Variants in FREM1 observed in about 807,000 individuals in gnomAD.
FREM1 encodes FRAS1 related extracellular matrix 1, also known as FRAS1-related extracellular matrix protein 1.
FREM1 carries 220 observed loss-of-function variants against 210.1 expected under a neutral mutation model. The observed-to-expected ratio is 1.05, with a 90% CI of 0.94 to 1.17. The LOEUF (loss-of-function observed/expected upper bound fraction) is 1.17, where lower values mean the gene tolerates loss of function less well. FREM1 is among the 50% of genes most tolerant of loss of function. FREM1 has a pLI of 0.00. For missense variants in FREM1, 3,454 were observed against 2,675.5 expected, an observed-to-expected ratio of 1.29 and a Z score of -6.42; for synonymous variants, 1,189 against 980.2, an observed-to-expected ratio of 1.21 and a Z score of -3.98.
intron 19 of FREM1, among the ~76,000 whole-genome samples, chr9:14,802,541 G>C (rs1169288891): frequency 6.6e-6 from 1 of 151,932 alleles, no homozygotes; most frequent in Non-Finnish European, 1.5e-5. Flanking sequence ...ACCCACTTCA[G>C]GTTTCATAAT....
intron 28 of FREM1, among the ~76,000 whole-genome samples, chr9:14,758,062 A>G (rs1214089937): frequency 6.6e-6 from 1 of 152,124 alleles, no homozygotes; most frequent in African/African-American, 2.4e-5. Flanking sequence ...GTGGTTGGAG[A>G]AATCAGTCAG....
chr9:14,796,275 T>C (rs1165930960), intron 21 of FREM1, among the ~76,000 whole-genome samples: 4 of 152,156 alleles, frequency 2.6e-5, no homozygotes, highest in Non-Finnish European at 5.9e-5. Context: ...ACCCAGACTA[T>C]CTACAACATG....
chr9:14,737,595 C>T lies in FREM1; in HGVS notation c.6341G>A (p.Gly2114Asp). 6.5e-7 allele frequency: 1 copy of T among 1,534,322 alleles called. No homozygotes were observed. ...DIGGRKSFWI[G>D]LNDQVHAGHW... ...GCCAGCATGCACTTGGTCGTTCAAACCTAATGTGAACCAAAAGAATGTACC... is the reference window on the plus strand; with the variant it reads ...GCCAGCATGCACTTGGTCGTTCAAATCTAATGTGAACCAAAAGAATGTACC... Residue 2114 changes from glycine to aspartate, a missense_variant and splice_region_variant, in exon 37 of 37, where the codon GGT becomes GAT. Physicochemically the swap from Gly to Asp is moderately conservative, Grantham distance 94. Transcript: ENST00000380880.
intron 1 of FREM1, among the ~76,000 whole-genome samples, chr9:14,883,578 A>G (rs1303539120): frequency 6.6e-6 from 1 of 152,234 alleles, no homozygotes; most frequent in Non-Finnish European, 1.5e-5. Context: ...ACAGAACAAC[A>G]GCAAAGCAAA....
At chr9:14,875,819 G>C (rs1305061549) in intron 1 of FREM1, among the ~76,000 whole-genome samples, 1 of 152,026 alleles carries the variant, frequency 6.6e-6, no homozygotes, top group African/African-American at 2.4e-5. Context: ...TCTACTTTTG[G>C]TCTTTGATGA....
chr9:14,896,194 C>T (rs1274714406), intron 1 of FREM1, among the ~76,000 whole-genome samples: 1 of 152,190 alleles, frequency 6.6e-6, no homozygotes, highest in Non-Finnish European at 1.5e-5. Flanking sequence ...CCCACCAGCA[C>T]CATGACTGTT....
rs376367108 is a variant in FREM1 at position 14,857,763 on chromosome 9, C to T, written c.632-14G>A. ...TTGCTCTCAGTTCTAGAATGTACAG[C>T]ACTGGATTAAGAGAGTCACTTAAAC... On this transcript the variant is annotated splice_polypyrimidine_tract_variant and intron_variant, in intron 4 of 36. Transcript: ENST00000380880. 122 of 1,563,714 alleles carry T rather than the reference C, an allele frequency of 7.8e-5. No homozygotes were observed. Among genetic ancestry groups the T allele is most frequent in the Non-Finnish European group, 1.0e-4 (118 of 1,154,366 alleles).
intron 23 of FREM1, among the ~76,000 whole-genome samples, chr9:14,785,795 GTA>G (rs1441554920): frequency 6.6e-6 from 1 of 152,138 alleles, no homozygotes; most frequent in Non-Finnish European, 1.5e-5. Context: ...TATTTAATGG[GTA>G]TAGACTTTAA....
At chr9:14,889,839 C>T (rs1428764785) in intron 1 of FREM1, among the ~76,000 whole-genome samples, 1 of 152,000 alleles carries the variant, frequency 6.6e-6, no homozygotes, top group Admixed American at 6.5e-5. Flanking sequence ...TGCCATGTGA[C>T]GTGGGAGCCT....
intron 22 of FREM1, among the ~76,000 whole-genome samples, chr9:14,792,382 G>A (rs2133070328): frequency 6.6e-6 from 1 of 151,924 alleles, no homozygotes; most frequent in Non-Finnish European, 1.5e-5. Context: ...GGATGCTAAA[G>A]AGGAAAGTTA....
chr9:14,748,209 C>T (rs1029306308), intron 31 of FREM1, among the ~76,000 whole-genome samples, 192 bp downstream of exon 31: 8 of 152,200 alleles, frequency 5.3e-5, no homozygotes, highest in Admixed American at 4.6e-4. Flanking sequence ...CACCTCAGTA[C>T]AATTAAAGAA....
At chr9:14,805,330 C>CAGAT (rs1284672724) in intron 18 of FREM1, among the ~76,000 whole-genome samples, 178 bp from the exon 19 acceptor site, 1 of 152,154 alleles carries the variant, frequency 6.6e-6, no homozygotes, top group African/African-American at 2.4e-5. Context: ...AACATAAAGG[C>CAGAT]AGATATCCAC....
At chr9:14,899,034 G>C (rs946834494) in intron 1 of FREM1, among the ~76,000 whole-genome samples, 1 of 152,192 alleles carries the variant, frequency 6.6e-6, no homozygotes, top group Non-Finnish European at 1.5e-5. Context: ...AGGCTGAATT[G>C]ACTCTCCTGT....
intron 29 of FREM1, among the ~76,000 whole-genome samples, chr9:14,750,495 G>C (rs931381339): frequency 1.3e-5 from 2 of 151,950 alleles, no homozygotes; most frequent in African/African-American, 4.8e-5. Context: ...TGCAAACACT[G>C]TAACAAAAAA....
Position 14,769,777 on chromosome 9 carries a change from A to C in FREM1, c.5151T>G (p.Asp1717Glu). ...IINPSLEVNSDTVEFQIMDPT... is the reference protein window; with the variant it reads ...IINPSLEVNSETVEFQIMDPT... The stretch of plus-strand genomic sequence containing the variant: ...GGTCCATGATTTGAAATTCCACGGT[A>C]TCTGAATTTACTTCCAAAGATGGGT... The change falls in exon 27 of 37, where the codon GAT (aspartate) becomes GAG (glutamate). Residue 1717 changes from aspartate to glutamate, a missense_variant. Physicochemically the swap from Asp to Glu is conservative, Grantham distance 45. Coordinates refer to ENST00000380880, the MANE Select transcript of FREM1 (RefSeq NM_001379081.2). 1 of 1,610,202 alleles carries C rather than the reference A, an allele frequency of 6.2e-7. No homozygotes were observed. Among genetic ancestry groups the C allele is most frequent in the Non-Finnish European group, 8.5e-7 (1 of 1,176,850 alleles).
intron 30 of FREM1, 135 bp from the exon 31 acceptor site, chr9:14,748,774 C>T: frequency 1.6e-6 from 1 of 627,828 alleles, no homozygotes; most frequent in Non-Finnish European, 2.8e-6. Flanking sequence ...GCCTTTTTGC[C>T]ATTTGCCAGA....
At chr9:14,821,726 T>A (rs1821351003) in intron 13 of FREM1, among the ~76,000 whole-genome samples, 1 of 152,074 alleles carries the variant, frequency 6.6e-6, no homozygotes, top group South Asian at 2.1e-4. Context: ...TAGAAATAAG[T>A]GTGGTGAGTT....
chr9:14,759,267 T>C (rs181704626), intron 28 of FREM1, among the ~76,000 whole-genome samples: 3 of 152,246 alleles, frequency 2.0e-5, no homozygotes, highest in African/African-American at 7.2e-5. Context: ...CCCAGCACTT[T>C]CGAAGGCCAA....
At chr9:14,874,721 T>C (rs768837333) in intron 1 of FREM1, among the ~76,000 whole-genome samples, 1 of 152,224 alleles carries the variant, frequency 6.6e-6, no homozygotes, top group Non-Finnish European at 1.5e-5. Flanking sequence ...TGATTTTAGC[T>C]GGTTATTTTG....
Sources: gnomAD v4.1 joint callset for allele counts (sites outside exome capture counted in the v4.1 genomes callset) on GRCh38, gnomAD v4.1.1 for gene constraint, MANE v1.5 for transcripts, NCBI Gene and HGNC (gene_info 2026-07-23, HGNC 2026-07-21) for gene names.